Variants in GTPBP4 observed in about 807,000 individuals in gnomAD.
The protein encoded by GTPBP4 is GTP-binding protein 4.
GTPBP4 carries 15 observed loss-of-function variants against 81.7 expected under a neutral mutation model. That is an observed-to-expected ratio of 0.18 (90% confidence interval 0.12 to 0.28). GTPBP4 has a LOEUF of 0.28. Ranked by LOEUF, GTPBP4 falls within the 10% of genes least tolerant of loss-of-function variation. The pLI is 1.00. For missense variants in GTPBP4, 847 were observed against 793.8 expected, an observed-to-expected ratio of 1.07 and a Z score of -0.81; for synonymous variants, 272 against 274.6, an observed-to-expected ratio of 0.99 and a Z score of 0.09.
At chr10:1,002,380 G>A (rs947955042) in intron 8 of GTPBP4, among the ~76,000 whole-genome samples, 1 of 152,114 alleles carries the variant, frequency 6.6e-6, no homozygotes, top group African/African-American at 2.4e-5. Flanking sequence ...CTTAAAATCT[G>A]CTTTATCTGA....
chr10:1,006,082 A>G (rs576632087), intron 9 of GTPBP4, among the ~76,000 whole-genome samples, 175 bp downstream of exon 9: 18 of 152,332 alleles, frequency 1.2e-4, no homozygotes, highest in Admixed American at 1.1e-3. Flanking sequence ...TCTAAGACCC[A>G]CTTTGCCCCC....
intron 8 of GTPBP4, among the ~76,000 whole-genome samples, chr10:1,002,663 A>G (rs1030494786): frequency 3.3e-5 from 5 of 152,178 alleles, no homozygotes; most frequent in Non-Finnish European, 7.3e-5. Flanking sequence ...TTTCTGAAGG[A>G]TAGCTTTGCT....
chr10:1,000,469 C>A (rs1324110539), intron 6 of GTPBP4, among the ~76,000 whole-genome samples: 1 of 151,500 alleles, frequency 6.6e-6, no homozygotes, highest in East Asian at 1.9e-4. Flanking sequence ...GATCTCCTGA[C>A]CTCGTGATCC....
chr10:995,418 G>A (rs961025643), intron 2 of GTPBP4, among the ~76,000 whole-genome samples: 8 of 152,154 alleles, frequency 5.3e-5, no homozygotes, highest in Non-Finnish European at 7.3e-5. Context: ...CTTGTAGGCT[G>A]TTTAGATGGA....
In GTPBP4 at chr10:1,014,113, A is replaced by G. The variant is rs370497976; in HGVS notation, c.1543-134A>G. On this transcript the variant is annotated intron_variant, in intron 14 of 16. Coordinates refer to ENST00000360803, the MANE Select transcript of GTPBP4 (RefSeq NM_012341.3). ...ATCCAAAAACATGAAAGCGGGGCCC[A>G]ATAAAAATTACAACTTCTAAAATAA... 5.4e-6 allele frequency: 3 copies of G among 557,418 alleles called. No individual in the cohort carries two copies. In the East Asian group the frequency reaches 1.0e-4, roughly 19 times the overall value. 34.5% of individuals were successfully genotyped at this position (557,418 alleles called of 1,614,324 possible).
rs539250558 is a variant in GTPBP4 at position 1,013,199 on chromosome 10, G to A, written c.1542+537G>A. On this transcript the variant is annotated intron_variant, in intron 14 of 16. Coordinates refer to ENST00000360803, the MANE Select transcript of GTPBP4 (RefSeq NM_012341.3). ...GGGTTTCACCATGTTGGCCAGGCTG[G>A]TCTCAAACTCCTTACCTCAAGTGAT... Among the ~76,000 whole-genome samples the A allele has an allele frequency of 6.6e-5, 10 of 152,136 alleles. No individual in the cohort carries two copies. In the South Asian group the frequency reaches 2.1e-3, roughly 32 times the overall value.
In GTPBP4 at chr10:1,015,889, A is replaced by T. The variant is rs775419105; in HGVS notation, c.1745A>T (p.Asp582Val). The T allele has an allele frequency of 1.2e-6, 2 of 1,612,010 alleles. No homozygotes were observed. The highest frequency in any genetic ancestry group is 1.3e-5 in the African/African-American group (1 of 74,864). The change falls in exon 16 of 17, where the codon GAT becomes GTT. Residue 582 changes from aspartate to valine, a missense_variant. By Grantham distance (152) the Asp-to-Val change is radical. This residue lies in a region of GTPBP4 where 600 missense variants were observed against 557.1 expected (regional missense o/e 1.08). Transcript: ENST00000360803. ...CCACGTGACGTTTCTGGTCTTAGGGATGTCAAGGTCAGTCTCTGTGTTGTG... is the reference window on the plus strand; with the variant it reads ...CCACGTGACGTTTCTGGTCTTAGGGTTGTCAAGGTCAGTCTCTGTGTTGTG... The part of the protein sequence containing the change: ...RTPRDVSGLR[D>V]VKMVKKAKTM...
At chr10:1,014,382 C>A in intron 15 of GTPBP4, 70 bp downstream of exon 15, 1 of 1,131,264 alleles carries the variant, frequency 8.8e-7, no homozygotes, top group Non-Finnish European at 1.3e-6. Flanking sequence ...ACTGGCCGGG[C>A]GTGGTGGCTC....
intron 8 of GTPBP4, among the ~76,000 whole-genome samples, chr10:1,001,427 G>T (rs1831628890): frequency 6.6e-6 from 1 of 152,218 alleles, no homozygotes; most frequent in Non-Finnish European, 1.5e-5. Flanking sequence ...CTGGATCTAT[G>T]AGTGAGACGT....
At chr10:1,011,666 C>T (rs1419582654) in intron 13 of GTPBP4, among the ~76,000 whole-genome samples, 1 of 152,252 alleles carries the variant, frequency 6.6e-6, no homozygotes, top group Admixed American at 6.5e-5. Flanking sequence ...GCTCCCTGTG[C>T]CTCCATAGCA....
chr10:1,004,673 AC>A (rs1203897578), intron 8 of GTPBP4, among the ~76,000 whole-genome samples: 2 of 152,148 alleles, frequency 1.3e-5, no homozygotes, highest in African/African-American at 4.8e-5. Context: ...GGTGCTATTT[AC>A]CAGGAGGCAG....
intron 5 of GTPBP4, 84 bp from the exon 6 acceptor site, chr10:998,919 C>A: frequency 1.3e-6 from 1 of 794,094 alleles, no homozygotes. Context: ...TATTTCCTAC[C>A]CAAAATCAGT....
chr10:991,753 TGGCGCGATCTC>T (rs1230807071), intron 1 of GTPBP4, among the ~76,000 whole-genome samples: 1 of 136,906 alleles, frequency 7.3e-6, no homozygotes, highest in Non-Finnish European at 1.5e-5. Flanking sequence ...TGGAGTGCAG[TGGCGCGATCTC>T]GGCTCACTGC....
chr10:1,008,391 G>A, intron 10 of GTPBP4: 1 of 355,074 alleles, frequency 2.8e-6, no homozygotes, highest in Non-Finnish European at 5.5e-6. Context: ...GGTGACAAGA[G>A]TGAGACTCTG....
At chr10:1,011,529 C>G (rs897410190) in intron 13 of GTPBP4, among the ~76,000 whole-genome samples, 2 of 151,600 alleles carry the variant, frequency 1.3e-5, no homozygotes, top group Non-Finnish European at 2.9e-5. Context: ...GCCTTCTTCT[C>G]TCAGCTGAGC....
At position 1,003,354 on chromosome 10, in the gene GTPBP4, CA is replaced by C. The variant is rs545667917; in HGVS notation, c.912+2348del. On this transcript the variant is annotated intron_variant, in intron 8 of 16. Coordinates refer to ENST00000360803, the MANE Select transcript of GTPBP4 (RefSeq NM_012341.3). The stretch of plus-strand genomic sequence containing the variant: ...ATTTTGTTTCTCATTGAGTTTCCTT[CA>C]AAAAAATTATTATTTTGAATTCTCT... 9.9e-5 allele frequency among the ~76,000 whole-genome samples: 15 copies of C among 152,246 alleles called. No homozygotes were observed. In the East Asian group the frequency reaches 1.5e-3, roughly 16 times the overall value.
At chr10:1,007,944 G>A (rs1209656249) in intron 10 of GTPBP4, 2 of 518,150 alleles carry the variant, frequency 3.9e-6, no homozygotes, top group East Asian at 5.4e-5. Context: ...TATTACAAAG[G>A]TTGGATTCTT....
At chr10:1,009,831 CA>C (rs1010358247) in intron 12 of GTPBP4, among the ~76,000 whole-genome samples, 1 of 152,136 alleles carries the variant, frequency 6.6e-6, no homozygotes, top group African/African-American at 2.4e-5. Context: ...CCCGTCTCTA[CA>C]AAAAATACAA....
chr10:1,009,571 G>A lies in GTPBP4; in HGVS notation c.1234G>A (p.Asp412Asn), dbSNP rs149079982. The part of the protein sequence containing the change: ...ELEMGDDYIL[D>N]LQKYWDLMNL... ...GGAAATGGGAGATGATTATATTTTG[G>A]ATCTTCAGAGTAAGGGCCAGAGTGT... is the stretch of plus-strand genomic sequence containing the variant. Residue 412 changes from aspartate (D) to asparagine (N), a missense_variant, in exon 12 of 17, where the codon GAT becomes AAT. This residue lies in a region of GTPBP4 where 600 missense variants were observed against 557.1 expected (regional missense o/e 1.08). Coordinates refer to ENST00000360803, the MANE Select transcript of GTPBP4 (RefSeq NM_012341.3). 6.3e-7 allele frequency: 1 copy of A among 1,584,136 alleles called. No individual in the cohort carries two copies. Among genetic ancestry groups the A allele is most frequent in the African/African-American group, 1.3e-5 (1 of 74,492 alleles).
Sources: gnomAD v4.1 joint callset for allele counts (sites outside exome capture counted in the v4.1 genomes callset) on GRCh38, gnomAD v4.1.1 for gene constraint, gnomAD v4.1.1 regional missense constraint, MANE v1.5 for transcripts, NCBI Gene and HGNC (gene_info 2026-07-23, HGNC 2026-07-21) for gene names.